The following SUMF1 variants were observed in gnomAD, a reference collection of about 807,000 sequenced individuals.
SUMF1 encodes the protein sulfatase modifying factor 1.
A neutral mutation model predicts 47.6 loss-of-function variants in SUMF1; 48 were observed. The observed-to-expected ratio is 1.01, with a 90% CI of 0.80 to 1.28. SUMF1 has a LOEUF of 1.28. Among genes scored for constraint, SUMF1 ranks in the 50% most tolerant of loss-of-function variants. The probability of loss-of-function intolerance (pLI) is 0.00; values close to 1 mark genes in which losing one functional copy is unlikely to be tolerated. For synonymous variants in SUMF1, 230 were observed against 192.1 expected, an observed-to-expected ratio of 1.20 and a Z score of -1.63; for missense variants, 571 against 485.4, an observed-to-expected ratio of 1.18 and a Z score of -1.66.
Position 4,467,227 on chromosome 3 carries a change from C to G in SUMF1, c.19G>C (p.Gly7Arg). The part of the protein sequence containing the change: MAAPAL[G>R]LVCGRCPELG... ...TCAGGGCAACGTCCACACACCAGCC[C>G]TAGTGCGGGCGCAGCCATGTTGTCC... Residue 7 changes from glycine to arginine, a missense_variant, in exon 1 of 9, where the codon GGG (glycine) becomes CGG (arginine). Transcript: ENST00000272902. 1 of 1,610,656 alleles carries G rather than the reference C, an allele frequency of 6.2e-7. No individual in the cohort carries two copies. The highest frequency in any genetic ancestry group is 8.5e-7 in the Non-Finnish European group (1 of 1,178,850).
chr3:4,443,201 C>T (rs1702664644), intron 3 of SUMF1, among the ~76,000 whole-genome samples: 1 of 152,040 alleles, frequency 6.6e-6, no homozygotes, highest in South Asian at 2.1e-4. Flanking sequence ...TTGCTTGAGC[C>T]CAGTAGGTGG....
At chr3:4,129,298 A>G (rs1693730445) in intron 8 of SUMF1, among the ~76,000 whole-genome samples, 1 of 152,130 alleles carries the variant, frequency 6.6e-6, no homozygotes, top group East Asian at 1.9e-4. Context: ...GGGTGTACCT[A>G]CTGTAATGGA....
chr3:4,265,189 C>G (rs1697166052), intron 8 of SUMF1, among the ~76,000 whole-genome samples: 1 of 149,170 alleles, frequency 6.7e-6, no homozygotes, highest in African/African-American at 2.5e-5. Context: ...ATGTTCTATG[C>G]ATCTGGCAGG....
At chr3:4,254,795 T>C (rs968193861) in intron 8 of SUMF1, among the ~76,000 whole-genome samples, 1 of 149,220 alleles carries the variant, frequency 6.7e-6, no homozygotes, top group African/African-American at 2.5e-5. Context: ...GAAGAGCAAC[T>C]CCAAGACACA....
At chr3:4,108,445 G>C (rs1693209386) in intron 8 of SUMF1, among the ~76,000 whole-genome samples, 1 of 152,074 alleles carries the variant, frequency 6.6e-6, no homozygotes, top group Non-Finnish European at 1.5e-5. Context: ...AGGTCCGCTT[G>C]GTGCAGAGCT....
At chr3:4,281,218 G>C (rs139762747) in intron 8 of SUMF1, among the ~76,000 whole-genome samples, 56 of 152,218 alleles carry the variant, frequency 3.7e-4, no homozygotes, top group African/African-American at 1.3e-3. Flanking sequence ...ACAAGCCACA[G>C]AAAGACCACT....
At chr3:4,283,639 A>G (rs73806978) in intron 8 of SUMF1, among the ~76,000 whole-genome samples, 11,496 of 152,254 alleles carry the variant, frequency 0.076, 1,463 homozygotes, top group African/African-American at 0.26. Flanking sequence ...TAATAAAGGA[A>G]AAAAGCATAA....
intron 8 of SUMF1, among the ~76,000 whole-genome samples, chr3:4,185,799 G>C (rs1695189566): frequency 6.6e-6 from 1 of 152,176 alleles, no homozygotes. Context: ...AGACACATGT[G>C]AATTACTGGA....
At chr3:4,392,832 A>G (rs534280652) in intron 7 of SUMF1, among the ~76,000 whole-genome samples, 1 of 146,704 alleles carries the variant, frequency 6.8e-6, no homozygotes, top group Non-Finnish European at 1.5e-5. Context: ...CTCTGTTCAG[A>G]TTTTTTTTTT....
At chr3:4,283,632 T>C (rs1041419645) in intron 8 of SUMF1, among the ~76,000 whole-genome samples, 3 of 152,064 alleles carry the variant, frequency 2.0e-5, no homozygotes, top group African/African-American at 7.2e-5. Flanking sequence ...TAGGCTTTAA[T>C]AAAGGAAAAA....
At chr3:4,090,165 T>C (rs753614485) in intron 8 of SUMF1, among the ~76,000 whole-genome samples, 1 of 152,156 alleles carries the variant, frequency 6.6e-6, no homozygotes, top group Non-Finnish European at 1.5e-5. Context: ...TTTGAGCGCA[T>C]GCACAGCAGG....
chr3:4,406,658 T>A (rs1329717809), intron 7 of SUMF1, among the ~76,000 whole-genome samples: 1 of 152,068 alleles, frequency 6.6e-6, no homozygotes, highest in Non-Finnish European at 1.5e-5. Context: ...AGCCTCCATC[T>A]CAAATAAAAC....
chr3:4,051,800 A>C (rs979341513), intron 9 of SUMF1, among the ~76,000 whole-genome samples: 2 of 152,142 alleles, frequency 1.3e-5, no homozygotes, highest in African/African-American at 4.8e-5. Context: ...ACTGGTTTGC[A>C]CATCGGAAAA....
chr3:4,307,765 G>A (rs1698247600), intron 8 of SUMF1, among the ~76,000 whole-genome samples: 1 of 152,156 alleles, frequency 6.6e-6, no homozygotes, highest in African/African-American at 2.4e-5. Context: ...AGCCAGGCAT[G>A]GTGGCTCACT....
At chr3:4,075,325 A>G (rs1692397577) in intron 8 of SUMF1, among the ~76,000 whole-genome samples, 1 of 152,154 alleles carries the variant, frequency 6.6e-6, no homozygotes, top group African/African-American at 2.4e-5. Flanking sequence ...TAAACTAGGT[A>G]TTGATGGAAC....
intron 8 of SUMF1, among the ~76,000 whole-genome samples, chr3:4,158,538 T>C (rs1291082233): frequency 6.6e-6 from 1 of 151,502 alleles, no homozygotes; most frequent in African/African-American, 2.4e-5. Context: ...GTGCTGAAAG[T>C]GGGGTGTTGA....
At chr3:4,229,792 C>G (rs552348233) in intron 8 of SUMF1, among the ~76,000 whole-genome samples, 13 of 152,066 alleles carry the variant, frequency 8.5e-5, no homozygotes, top group African/African-American at 3.1e-4. Flanking sequence ...GGTAGGAGAA[C>G]TGCTTGAGAC....
At chr3:4,214,709 G>T (rs544647448) in intron 8 of SUMF1, among the ~76,000 whole-genome samples, 7 of 152,052 alleles carry the variant, frequency 4.6e-5, no homozygotes, top group Admixed American at 4.6e-4. Flanking sequence ...AATCATATAG[G>T]GGATATTACC....
At chr3:4,053,955 G>C (rs1244254429) in intron 9 of SUMF1, among the ~76,000 whole-genome samples, 1 of 152,038 alleles carries the variant, frequency 6.6e-6, no homozygotes, top group Non-Finnish European at 1.5e-5. Context: ...AAGTAATTTG[G>C]AAGCCCTACA....
Sources: gnomAD v4.1 joint callset for allele counts (sites outside exome capture counted in the v4.1 genomes callset) on GRCh38, gnomAD v4.1.1 for gene constraint, MANE v1.5 for transcripts, NCBI Gene and HGNC (gene_info 2026-07-23, HGNC 2026-07-21) for gene names.